Variants in ACTR3B observed in about 807,000 individuals in gnomAD.
The protein encoded by ACTR3B is actin-related protein 3B.
In ACTR3B, 8 loss-of-function variants were observed where a neutral mutation model predicts 59.0. The observed-to-expected ratio is 0.14, with a 90% CI of 0.08 to 0.24. ACTR3B has a LOEUF of 0.24. ACTR3B is among the 10% of genes least tolerant of loss of function. The pLI is 1.00. For synonymous variants in ACTR3B, 148 were observed against 197.9 expected (o/e 0.75, Z 2.12); for missense variants, 245 against 552.3 (o/e 0.44, Z 5.58).
chr7:152,831,296 A>G (rs947975488), intron 9 of ACTR3B, among the ~76,000 whole-genome samples: 4 of 152,206 alleles, frequency 2.6e-5, no homozygotes, highest in African/African-American at 7.2e-5. Flanking sequence ...ACATCGAGTA[A>G]TGTCAGTGAG....
intron 1 of ACTR3B, among the ~76,000 whole-genome samples, chr7:152,772,393 T>G (rs1407210102): frequency 6.6e-6 from 1 of 151,666 alleles, no homozygotes; most frequent in Non-Finnish European, 1.5e-5. Flanking sequence ...GGTGTGGTGA[T>G]GCGTGCCTGT....
At chr7:152,848,263 A>C (rs1798519149) in intron 9 of ACTR3B, among the ~76,000 whole-genome samples, 1 of 152,152 alleles carries the variant, frequency 6.6e-6, no homozygotes, top group Non-Finnish European at 1.5e-5. Context: ...CCTCTCCTAC[A>C]CTGCGGTGGG....
intron 1 of ACTR3B, among the ~76,000 whole-genome samples, chr7:152,773,492 C>CA (rs1300870427): frequency 6.6e-6 from 1 of 151,904 alleles, no homozygotes. Flanking sequence ...GAGGCTGAGG[C>CA]AGGAGAATCG....
intron 6 of ACTR3B, among the ~76,000 whole-genome samples, chr7:152,818,785 C>T (rs1329098721): frequency 1.3e-5 from 2 of 152,240 alleles, no homozygotes; most frequent in African/African-American, 4.8e-5. Flanking sequence ...CTCACGCATG[C>T]GTGCACACAC....
chr7:152,836,389 G>A (rs1359873728), intron 9 of ACTR3B, among the ~76,000 whole-genome samples: 1 of 151,960 alleles, frequency 6.6e-6, no homozygotes, highest in Non-Finnish European at 1.5e-5. Context: ...GAGCCCAGGA[G>A]TTTGAGACCA....
At chr7:152,827,551 T>C (rs955887311) in intron 9 of ACTR3B, among the ~76,000 whole-genome samples, 7 of 151,552 alleles carry the variant, frequency 4.6e-5, no homozygotes, top group African/African-American at 1.7e-4. Flanking sequence ...AAGGTTTATT[T>C]CTTTGCACGT....
chr7:152,780,224 G>A (rs1015031209), intron 1 of ACTR3B, among the ~76,000 whole-genome samples: 14 of 151,754 alleles, frequency 9.2e-5, no homozygotes, highest in African/African-American at 1.7e-4. Flanking sequence ...GGTGGCAGGC[G>A]CCTGTAATTC....
At chr7:152,787,467 G>T (rs2098178372) in intron 2 of ACTR3B, among the ~76,000 whole-genome samples, 1 of 151,506 alleles carries the variant, frequency 6.6e-6, no homozygotes, top group South Asian at 2.1e-4. Flanking sequence ...ATACTTTTCA[G>T]TCTTTTTCTT....
At chr7:152,819,143 C>T (rs1795951192) in intron 6 of ACTR3B, among the ~76,000 whole-genome samples, 1 of 152,144 alleles carries the variant, frequency 6.6e-6, no homozygotes. Context: ...ATACTTTTAT[C>T]TCCATCTTAA....
At chr7:152,781,524 G>A (rs1347888719) in intron 1 of ACTR3B, among the ~76,000 whole-genome samples, 1 of 152,150 alleles carries the variant, frequency 6.6e-6, no homozygotes, top group African/African-American at 2.4e-5. Context: ...AACAGTGTGG[G>A]AAGGTGGATT....
intron 2 of ACTR3B, among the ~76,000 whole-genome samples, chr7:152,796,872 T>TTG (rs1563102349): frequency 3.8e-4 from 39 of 101,638 alleles, no homozygotes; most frequent in African/African-American, 8.1e-4. Flanking sequence ...TTTTTTTTTT[T>TTG]TTTTTTTTTT....
intron 9 of ACTR3B, among the ~76,000 whole-genome samples, chr7:152,849,473 A>G (rs1798625375): frequency 1.3e-5 from 2 of 152,190 alleles, no homozygotes; most frequent in African/African-American, 2.4e-5. Flanking sequence ...GCTGATAACA[A>G]AATATTGTGG....
intron 1 of ACTR3B, among the ~76,000 whole-genome samples, chr7:152,781,816 C>T (rs1315991668): frequency 6.6e-6 from 1 of 152,044 alleles, no homozygotes; most frequent in African/African-American, 2.4e-5. Context: ...TAGGTGGAAC[C>T]CCGGAGTGGA....
chr7:152,761,176 C>G (rs1490615834), intron 1 of ACTR3B, among the ~76,000 whole-genome samples: 4 of 152,124 alleles, frequency 2.6e-5, no homozygotes, highest in Non-Finnish European at 5.9e-5. Flanking sequence ...CTTTGTAGCT[C>G]TTTATTTTAG....
At chr7:152,831,827 C>T (rs1429442712) in intron 9 of ACTR3B, among the ~76,000 whole-genome samples, 1 of 152,172 alleles carries the variant, frequency 6.6e-6, no homozygotes, top group Non-Finnish European at 1.5e-5. Context: ...GGCCAGATTA[C>T]ACAGGGCTTA....
At chr7:152,791,639 T>A (rs1314059171) in intron 2 of ACTR3B, among the ~76,000 whole-genome samples, 1 of 152,198 alleles carries the variant, frequency 6.6e-6, no homozygotes, top group Non-Finnish European at 1.5e-5. Flanking sequence ...TCATTGTAAT[T>A]CTACCTGTAG....
chr7:152,838,922 G>C (rs551220753), intron 9 of ACTR3B, among the ~76,000 whole-genome samples: 2 of 152,284 alleles, frequency 1.3e-5, no homozygotes, highest in East Asian at 3.9e-4. Context: ...TAAGAGGGTT[G>C]TTGTTGGGTT....
chr7:152,848,526 C>T (rs1450087009), intron 9 of ACTR3B, among the ~76,000 whole-genome samples: 1 of 152,206 alleles, frequency 6.6e-6, no homozygotes, highest in Non-Finnish European at 1.5e-5. Context: ...TGTCTAATTC[C>T]AAGCACTGAC....
chr7:152,784,441 C>T (rs1045226875), intron 2 of ACTR3B, among the ~76,000 whole-genome samples: 5 of 152,050 alleles, frequency 3.3e-5, no homozygotes, highest in Admixed American at 6.5e-5. Flanking sequence ...TTTAAGTAAC[C>T]TCATTCCGGT....
Sources: gnomAD v4.1 joint callset for allele counts (sites outside exome capture counted in the v4.1 genomes callset) on GRCh38, gnomAD v4.1.1 for gene constraint, MANE v1.5 for transcripts, NCBI Gene and HGNC (gene_info 2026-07-23, HGNC 2026-07-21) for gene names.